The following LRGUK variants were observed in gnomAD, a reference collection of about 807,000 sequenced individuals.
The protein encoded by LRGUK is leucine-rich repeat and guanylate kinase domain-containing protein.
In LRGUK, 65 loss-of-function variants were observed where a neutral mutation model predicts 76.0. That is an observed-to-expected ratio of 0.85 (90% CI 0.70 to 1.05). The LOEUF (loss-of-function observed/expected upper bound fraction) is 1.05, where lower values mean the gene tolerates loss of function less well. Among genes scored for constraint, LRGUK ranks in the 50% least tolerant of loss-of-function variants. The probability of loss-of-function intolerance (pLI) is 0.00; values close to 1 mark genes in which losing one functional copy is unlikely to be tolerated. For missense variants in LRGUK, 758 were observed against 732.8 expected (o/e 1.03, Z -0.40); for synonymous variants, 268 against 265.6 (o/e 1.01, Z -0.09).
At chr7:134,241,459 A>G (rs13310843) in intron 16 of LRGUK, among the ~76,000 whole-genome samples, 11,001 of 152,202 alleles carry the variant, frequency 0.072, 971 homozygotes, top group African/African-American at 0.2. Flanking sequence ...AGACAAAGAA[A>G]GCCATTACAT....
chr7:134,220,082 C>T (rs956706731), intron 15 of LRGUK, among the ~76,000 whole-genome samples: 1 of 152,166 alleles, frequency 6.6e-6, no homozygotes, highest in Non-Finnish European at 1.5e-5. Flanking sequence ...GAGCACCAGT[C>T]GGCACGTAGC....
At chr7:134,151,675 A>G (rs1798230312) in intron 5 of LRGUK, among the ~76,000 whole-genome samples, 1 of 152,096 alleles carries the variant, frequency 6.6e-6, no homozygotes, top group South Asian at 2.1e-4. Flanking sequence ...TATTAAAAAG[A>G]CCATGTATTA....
chr7:134,240,596 C>T (rs2117191941), intron 16 of LRGUK, among the ~76,000 whole-genome samples: 1 of 152,292 alleles, frequency 6.6e-6, no homozygotes, highest in South Asian at 2.1e-4. Flanking sequence ...CTGAAAGTGA[C>T]TGGGAGAATG....
In LRGUK at chr7:134,127,458, C is replaced by T; in HGVS notation, c.91C>T (p.Gln31Ter). 1 of 1,614,060 alleles carries T rather than the reference C, an allele frequency of 6.2e-7. No homozygotes were observed. The change falls in exon 1 of 16, where the codon CAG becomes TAG. Residue 31 changes from glutamine (Q) to a stop codon, truncating the protein, a stop_gained. Transcript: ENST00000645682. LOFTEE classifies it high-confidence loss of function. Reference sequence around the variant, plus strand: ...ATCCCGAACTGGAGCCCGATCGTTACAGTTTCGCGCAGAAAAAGAGCGTCA... The same window carrying T: ...ATCCCGAACTGGAGCCCGATCGTTATAGTTTCGCGCAGAAAAAGAGCGTCA...
intron 7 of LRGUK, among the ~76,000 whole-genome samples, chr7:134,164,829 G>A (rs1384976557): frequency 6.6e-6 from 1 of 152,148 alleles, no homozygotes; most frequent in African/African-American, 2.4e-5. Flanking sequence ...GGGAACAGAG[G>A]AGTTTTCAAT....
At chr7:134,169,544 T>C (rs1799158661) in intron 7 of LRGUK, among the ~76,000 whole-genome samples, 1 of 152,200 alleles carries the variant, frequency 6.6e-6, no homozygotes, top group Admixed American at 6.5e-5. Flanking sequence ...CTTTTTATGT[T>C]TTATTGAAGA....
chr7:134,247,141 G>A (rs911451816), intron 16 of LRGUK, among the ~76,000 whole-genome samples: 33 of 152,072 alleles, frequency 2.2e-4, no homozygotes, highest in Admixed American at 1.8e-3. Flanking sequence ...TCCTATTTCC[G>A]GATCATAATT....
chr7:134,228,083 A>G (rs905866174), intron 16 of LRGUK, among the ~76,000 whole-genome samples: 8 of 152,202 alleles, frequency 5.3e-5, no homozygotes, highest in Non-Finnish European at 2.9e-5. Context: ...AAAATTAAAA[A>G]CAAAGGAAAA....
chr7:134,234,292 C>T (rs1801968213), intron 16 of LRGUK, among the ~76,000 whole-genome samples: 1 of 152,028 alleles, frequency 6.6e-6, no homozygotes, highest in Non-Finnish European at 1.5e-5. Flanking sequence ...ATGTCACACA[C>T]TGGTCTTCCT....
chr7:134,162,805 C>A (rs1798801334), intron 6 of LRGUK, among the ~76,000 whole-genome samples: 1 of 119,626 alleles, frequency 8.4e-6, no homozygotes, highest in Admixed American at 1.1e-4. Context: ...CCAGCCTGGG[C>A]TACAAAGCCA....
At chr7:134,131,121 T>C (rs73454633) in intron 1 of LRGUK, among the ~76,000 whole-genome samples, 20,533 of 152,174 alleles carry the variant, frequency 0.13, 1,713 homozygotes, top group East Asian at 0.33. Flanking sequence ...GAGCAGAAGT[T>C]TCTGGGCCCA....
intron 18 of LRGUK, among the ~76,000 whole-genome samples, chr7:134,256,819 G>A (rs1802596134): frequency 6.6e-6 from 1 of 152,142 alleles, no homozygotes; most frequent in Non-Finnish European, 1.5e-5. Flanking sequence ...TTTTTGTAAA[G>A]CACGTGTGTG....
At chr7:134,258,993 C>G (rs2598273) in intron 19 of LRGUK, among the ~76,000 whole-genome samples, 12,309 of 152,130 alleles carry the variant, frequency 0.081, 1,227 homozygotes, top group African/African-American at 0.23. Context: ...TCTGGGACAA[C>G]GACCACATGC....
intron 7 of LRGUK, among the ~76,000 whole-genome samples, chr7:134,168,118 G>A (rs1647805598): frequency 6.6e-6 from 1 of 152,136 alleles, no homozygotes; most frequent in Non-Finnish European, 1.5e-5. Context: ...GGAGCTTTGG[G>A]AGGCCAAGGT....
At chr7:134,181,263 T>C (rs946845583) in intron 10 of LRGUK, among the ~76,000 whole-genome samples, 1 of 152,176 alleles carries the variant, frequency 6.6e-6, no homozygotes, top group Non-Finnish European at 1.5e-5. Context: ...TTGAAAGTCA[T>C]TTTTGCTAAA....
At chr7:134,269,318 G>A (rs1402585415), downstream of LRGUK, among the ~76,000 whole-genome samples, 11 of 150,392 alleles carry the variant, frequency 7.3e-5, 4 homozygotes, top group Admixed American at 7.3e-4. Context: ...ATTGTGGTCA[G>A]ATCAGAGAAC....
At chr7:134,182,848 A>G (rs1799813839) in intron 10 of LRGUK, among the ~76,000 whole-genome samples, 1 of 152,126 alleles carries the variant, frequency 6.6e-6, no homozygotes, top group African/African-American at 2.4e-5. Flanking sequence ...TGTAACCTCC[A>G]TCTCCTGGGT....
chr7:134,157,630 A>C (rs6467519), intron 5 of LRGUK, among the ~76,000 whole-genome samples: 117,355 of 152,188 alleles, frequency 0.77, 45,929 homozygotes, highest in African/African-American at 0.89. Flanking sequence ...TCACGCCGTT[A>C]TCCTGCCTCA....
chr7:134,249,245 G>A (rs1268183746), intron 18 of LRGUK, among the ~76,000 whole-genome samples, 169 bp downstream of exon 18: 2 of 152,072 alleles, frequency 1.3e-5, no homozygotes, highest in Non-Finnish European at 2.9e-5. Context: ...GAGGGCCCAG[G>A]CATATAACCT....
Sources: allele counts gnomAD v4.1 joint callset (sites outside exome capture counted in the v4.1 genomes callset), GRCh38; gene constraint gnomAD v4.1.1; transcripts MANE v1.5; gene names NCBI Gene and HGNC (gene_info 2026-07-23, HGNC 2026-07-21).